The following PALLD variants were observed in gnomAD, a reference collection of about 807,000 sequenced individuals.
PALLD encodes the protein palladin, cytoskeletal associated protein.
A neutral mutation model predicts 123.5 loss-of-function variants in PALLD; 61 were observed. The observed-to-expected ratio is 0.49, with a 90% CI of 0.40 to 0.61. PALLD has a LOEUF of 0.61. PALLD is among the 20% of genes least tolerant of loss of function. The probability of loss-of-function intolerance (pLI) is 0.00; values close to 1 mark genes in which losing one functional copy is unlikely to be tolerated. For synonymous variants in PALLD, 465 were observed against 496.4 expected (o/e 0.94, Z 0.84); for missense variants, 1,273 against 1,377.0 (o/e 0.92, Z 1.20).
chr4:168,642,510 T>G (rs1777059922), intron 2 of PALLD, among the ~76,000 whole-genome samples: 1 of 152,342 alleles, frequency 6.6e-6, no homozygotes, highest in East Asian at 1.9e-4. Flanking sequence ...CAAGCGATCC[T>G]CCTGCCTCAG....
chr4:168,631,489 A>C (rs72699806), intron 2 of PALLD: 7,747 of 478,542 alleles, frequency 0.016, 86 homozygotes, highest in Middle Eastern at 0.034. Flanking sequence ...CGATAAGAGC[A>C]TGGAGTGAAG....
intron 2 of PALLD, among the ~76,000 whole-genome samples, chr4:168,662,489 T>A (rs915066188): frequency 2.0e-5 from 3 of 152,246 alleles, no homozygotes; most frequent in African/African-American, 7.2e-5. Context: ...TCTGTCTCAC[T>A]AGCAAAGAAC....
At chr4:168,572,779 G>A (rs957139373) in intron 2 of PALLD, among the ~76,000 whole-genome samples, 9 of 151,664 alleles carry the variant, frequency 5.9e-5, no homozygotes, top group Non-Finnish European at 1.0e-4. Flanking sequence ...CCTGGTCCAA[G>A]CCATCCTTCC....
chr4:168,605,629 C>T (rs764388423), intron 2 of PALLD, among the ~76,000 whole-genome samples: 8 of 152,170 alleles, frequency 5.3e-5, no homozygotes, highest in Non-Finnish European at 7.4e-5. Flanking sequence ...CTGGACTGAA[C>T]GTGGGCTCTG....
At chr4:168,781,868 C>T (rs1364386443) in intron 10 of PALLD, among the ~76,000 whole-genome samples, 1 of 152,058 alleles carries the variant, frequency 6.6e-6, no homozygotes, top group Non-Finnish European at 1.5e-5. Flanking sequence ...AGTAATGTAC[C>T]CACTGACTGA....
rs142010058 is a variant in PALLD at position 168,668,303 on chromosome 4, G to A, written c.1022G>A (p.Arg341His). The change falls in exon 3 of 22, where the codon CGC becomes CAC. Residue 341 changes from arginine (R) to histidine (H), a missense_variant. Arg to His is a conservative substitution (Grantham distance 29). Around this residue, in one of 2 missense-constraint regions of PALLD, gnomAD observed 944 missense variants for 954.5 expected, o/e 0.99. Coordinates refer to ENST00000505667, the MANE Select transcript of PALLD (RefSeq NM_001166108.2). Reference sequence around the variant, plus strand: ...GAGGCCTTTGAGGACGACACAGGTCGCTACACCTGTTTGGCTACGAATCCC... The same window carrying A: ...GAGGCCTTTGAGGACGACACAGGTCACTACACCTGTTTGGCTACGAATCCC... ...IAEAFEDDTG[R>H]YTCLATNPSG... 197 of 1,613,462 alleles carry A rather than the reference G, an allele frequency of 1.2e-4. No homozygotes were observed. The highest frequency in any genetic ancestry group is 1.6e-4 in the Non-Finnish European group (188 of 1,179,644).
At chr4:168,806,226 G>A (rs1398232850) in intron 10 of PALLD, among the ~76,000 whole-genome samples, 3 of 152,086 alleles carry the variant, frequency 2.0e-5, no homozygotes, top group Admixed American at 6.6e-5. Context: ...CACCACGCCT[G>A]GCTAATTTTG....
In PALLD at chr4:168,675,638, G is replaced by T. The variant is rs149265074; in HGVS notation, c.1088-5694G>T. ...TTCATCTGGAGAAAATCAGATTGTTGTAAGGGTTGAGTGGGTTAATCCACT... is the reference window on the plus strand; with the variant it reads ...TTCATCTGGAGAAAATCAGATTGTTTTAAGGGTTGAGTGGGTTAATCCACT... On this transcript the variant is annotated intron_variant, in intron 3 of 21. Transcript: ENST00000505667. Among the ~76,000 whole-genome samples, 903 of 152,280 alleles carry T rather than the reference G, an allele frequency of 5.9e-3. 13 individuals are homozygous for T. The highest frequency in any genetic ancestry group is 0.021 in the African/African-American group (871 of 41,548).
intron 2 of PALLD, among the ~76,000 whole-genome samples, chr4:168,660,697 A>G (rs1028904398): frequency 6.6e-6 from 1 of 152,168 alleles, no homozygotes; most frequent in Non-Finnish European, 1.5e-5. Flanking sequence ...ATCTTACAGA[A>G]CTATAATGTT....
chr4:168,512,354 G>A lies in PALLD; in HGVS notation c.850G>A (p.Glu284Lys), dbSNP rs1008478857. ...IQKLRSQEVAEGSRVYLECRV... is the reference protein window; with the variant it reads ...IQKLRSQEVAKGSRVYLECRV... Reference sequence around the variant, plus strand: ...AAAGCTGAGGAGCCAAGAAGTAGCAGAAGGGAGCCGAGTTTATCTGGAGTG... The same window carrying A: ...AAAGCTGAGGAGCCAAGAAGTAGCAAAAGGGAGCCGAGTTTATCTGGAGTG... Residue 284 changes from glutamate (E) to lysine (K), a missense_variant, in exon 2 of 22, where the codon GAA (glutamate) becomes AAA (lysine). This residue lies in a region of PALLD where 944 missense variants were observed against 954.5 expected (regional missense o/e 0.99). Transcript: ENST00000505667. 6.2e-7 allele frequency: 1 copy of A among 1,613,942 alleles called. No individual in the cohort carries two copies. The highest frequency in any genetic ancestry group is 8.5e-7 in the Non-Finnish European group (1 of 1,180,048).
At chr4:168,760,081 C>T (rs909538726) in intron 10 of PALLD, among the ~76,000 whole-genome samples, 5 of 151,966 alleles carry the variant, frequency 3.3e-5, no homozygotes, top group African/African-American at 1.2e-4. Context: ...GCTGTCACAA[C>T]TGCAAGGCAT....
At chr4:168,677,493 G>T (rs1490374788) in intron 3 of PALLD, among the ~76,000 whole-genome samples, 1 of 152,066 alleles carries the variant, frequency 6.6e-6, no homozygotes, top group African/African-American at 2.4e-5. Context: ...CTAAAGAGAG[G>T]TCATCAGAAG....
chr4:168,594,463 A>G (rs1433625324), intron 2 of PALLD, among the ~76,000 whole-genome samples: 1 of 152,176 alleles, frequency 6.6e-6, no homozygotes, highest in Non-Finnish European at 1.5e-5. Flanking sequence ...TATCCCACTA[A>G]TACTTAACAA....
intron 2 of PALLD, chr4:168,598,329 CT>C: frequency 2.0e-6 from 1 of 500,888 alleles, no homozygotes; most frequent in East Asian, 5.4e-5. Context: ...GGGTTTGGTG[CT>C]TTGCTATTCA....
At chr4:168,808,581 G>C (rs959857273) in intron 10 of PALLD, among the ~76,000 whole-genome samples, 3 of 152,216 alleles carry the variant, frequency 2.0e-5, no homozygotes, top group Non-Finnish European at 4.4e-5. Context: ...CATTGTATTA[G>C]TCTGTTTTCA....
chr4:168,568,345 A>T (rs1482915132), intron 2 of PALLD, among the ~76,000 whole-genome samples: 1 of 152,102 alleles, frequency 6.6e-6, no homozygotes, highest in Non-Finnish European at 1.5e-5. Flanking sequence ...TATTGGGTAC[A>T]CTAAAAATTG....
chr4:168,641,480 G>T (rs1776942330), intron 2 of PALLD, among the ~76,000 whole-genome samples: 1 of 152,130 alleles, frequency 6.6e-6, no homozygotes, highest in South Asian at 2.1e-4. Context: ...AGCTCAGAGG[G>T]CTCTCTGATG....
intron 6 of PALLD, among the ~76,000 whole-genome samples, chr4:168,689,779 A>C (rs751783292): frequency 6.6e-6 from 1 of 152,234 alleles, no homozygotes; most frequent in Non-Finnish European, 1.5e-5. Context: ...AGAAGTTTAA[A>C]TAGTAAGAAA....
At chr4:168,908,400 T>C (rs1412465279) in intron 15 of PALLD, among the ~76,000 whole-genome samples, 2 of 152,200 alleles carry the variant, frequency 1.3e-5, no homozygotes, top group Non-Finnish European at 2.9e-5. Context: ...TCTTAGAATC[T>C]CAGCTTTACA....
Sources: allele counts gnomAD v4.1 joint callset (sites outside exome capture counted in the v4.1 genomes callset), GRCh38; gene constraint gnomAD v4.1.1; regional missense constraint gnomAD v4.1.1; transcripts MANE v1.5; gene names NCBI Gene and HGNC (gene_info 2026-07-23, HGNC 2026-07-21).